The following CARHSP1 variants were observed in gnomAD, a reference collection of about 807,000 sequenced individuals.
CARHSP1 encodes the protein calcium regulated heat stable protein 1.
In CARHSP1, 14 loss-of-function variants were observed where a neutral mutation model predicts 12.5. The observed-to-expected ratio is 1.12, with a 90% confidence interval of 0.74 to 1.75. The LOEUF is 1.75. Among genes scored for constraint, CARHSP1 ranks in the 40% most tolerant of loss-of-function variants. CARHSP1 has a pLI of 0.00. For missense variants in CARHSP1, 343 were observed against 201.6 expected, an observed-to-expected ratio of 1.70 and a Z score of -4.25; for synonymous variants, 161 against 82.0, an observed-to-expected ratio of 1.96 and a Z score of -5.20.
intron 1 of CARHSP1, among the ~76,000 whole-genome samples, chr16:8,863,507 AGGT>A (rs1396421131): frequency 6.6e-6 from 1 of 152,190 alleles, no homozygotes; most frequent in Non-Finnish European, 1.5e-5. Context: ...GCCCAGCAGG[AGGT>A]GGCTACATTC....
At chr16:8,866,561 G>A in intron 1 of CARHSP1, 4 of 594,802 alleles carry the variant, frequency 6.7e-6, no homozygotes, top group Non-Finnish European at 8.5e-6. Context: ...GCTGAGCCCA[G>A]ATAGAAGGGT....
Position 8,858,408 on chromosome 16 carries a change from CCTTG to C in CARHSP1, c.219_222del (p.Lys74AlafsTer152). 6.2e-7 allele frequency: 1 copy of C among 1,614,086 alleles called. No individual in the cohort carries two copies. The highest frequency in any genetic ancestry group is 8.5e-7 in the Non-Finnish European group (1 of 1,180,018). On this transcript the variant is annotated frameshift_variant, in exon 3 of 4. Transcript: ENST00000311052. LOFTEE classifies it high-confidence loss of function. The stretch of plus-strand genomic sequence containing the variant: ...TCAGCTGGAGTAATGAAGCCATGGC[CCTTG>C]GACCGGCAGAAGCATTTGCAGACTC...
chr16:8,859,015 T>G, intron 2 of CARHSP1, 156 bp downstream of exon 2: 2 of 621,322 alleles, frequency 3.2e-6, no homozygotes, highest in Middle Eastern at 4.5e-4. Flanking sequence ...ACAAGGCGCC[T>G]TCCTAGTTTC....
At chr16:8,861,775 C>A in intron 1 of CARHSP1, 1 of 1,273,414 alleles carries the variant, frequency 7.9e-7, no homozygotes. Context: ...AGGGCCCCCG[C>A]ATGACCTACC....
rs1300594595 is a variant in CARHSP1 at position 8,859,200 on chromosome 16, C to T, written c.129G>A (p.Leu43=). The T allele has an allele frequency of 1.9e-6, 3 of 1,603,016 alleles. 1 individual carries two copies. Among genetic ancestry groups the T allele is most frequent in the South Asian group, 1.1e-5 (1 of 89,510 alleles). The change falls in exon 2 of 4, where the codon CTG becomes CTA. Residue 43 remains leucine, a synonymous_variant. Coordinates refer to ENST00000311052, the MANE Select transcript of CARHSP1 (RefSeq NM_014316.4). ...AGAAGGTCCTCGTCCGGCGAGTGGG[C>T]AGTGGGCTTGGGACCACGTTGCCCC... ...PLRGNVVPSP[L]PTRRTRTFSA...
chr16:8,863,254 G>C (rs1224046834), intron 1 of CARHSP1, among the ~76,000 whole-genome samples: 1 of 151,112 alleles, frequency 6.6e-6, no homozygotes, highest in African/African-American at 2.4e-5. Flanking sequence ...CCTGGGTTGT[G>C]GGACTACGGC....
intron 3 of CARHSP1, among the ~76,000 whole-genome samples, chr16:8,857,283 T>TG (rs1567181249): frequency 8.0e-6 from 1 of 125,532 alleles, no homozygotes; most frequent in African/African-American, 3.0e-5. Flanking sequence ...TTTTTTTTTT[T>TG]TTTTTTTTTT....
At chr16:8,866,099 G>A (rs140775856) in intron 1 of CARHSP1, among the ~76,000 whole-genome samples, 14 of 152,196 alleles carry the variant, frequency 9.2e-5, no homozygotes, top group East Asian at 1.9e-4. Context: ...GACTACAGGC[G>A]TGTGCTACCA....
intron 1 of CARHSP1, chr16:8,861,654 G>T (rs747521629): frequency 9.3e-6 from 12 of 1,289,030 alleles, no homozygotes; most frequent in South Asian, 2.5e-5. Flanking sequence ...TCTGGAGGAG[G>T]TGGCATCCTA....
chr16:8,857,535 G>C (rs7500728), intron 3 of CARHSP1: 59,710 of 138,734 alleles, frequency 0.43, 13,487 homozygotes, highest in South Asian at 0.51. Flanking sequence ...CAGGTGATCC[G>C]CCTGCCTCCG....
intron 1 of CARHSP1, among the ~76,000 whole-genome samples, chr16:8,865,393 A>G (rs2061438412): frequency 6.6e-6 from 1 of 152,184 alleles, no homozygotes; most frequent in Non-Finnish European, 1.5e-5. Flanking sequence ...TACAGGCATG[A>G]GCCACCGTGC....
chr16:8,865,794 G>T (rs751700176), intron 1 of CARHSP1, among the ~76,000 whole-genome samples: 2 of 152,208 alleles, frequency 1.3e-5, no homozygotes, highest in Non-Finnish European at 2.9e-5. Flanking sequence ...CAACAGGGGA[G>T]GCACTTTTAG....
intron 1 of CARHSP1, among the ~76,000 whole-genome samples, chr16:8,860,789 A>T (rs1014124634): frequency 6.6e-6 from 1 of 151,972 alleles, no homozygotes; most frequent in Admixed American, 6.6e-5. Flanking sequence ...GGTGGCTCAC[A>T]CCTGTAATCC....
intron 1 of CARHSP1, among the ~76,000 whole-genome samples, chr16:8,863,625 C>T (rs1340044999): frequency 2.0e-5 from 3 of 152,174 alleles, no homozygotes; most frequent in East Asian, 3.9e-4. Flanking sequence ...CCTCTCATGG[C>T]CCATCTGGGC....
chr16:8,856,191 G>A (rs959286296), intron 3 of CARHSP1, among the ~76,000 whole-genome samples: 6 of 152,154 alleles, frequency 3.9e-5, no homozygotes, highest in African/African-American at 1.4e-4. Context: ...CCCCCAGGAA[G>A]GTTCCCTTAC....
Position 8,858,383 on chromosome 16 carries a change from T to A in CARHSP1, c.248A>T (p.Asp83Val), listed in dbSNP as rs146191032. 4.1e-4 allele frequency: 657 copies of A among 1,613,858 alleles called. No individual in the cohort carries two copies. The highest frequency in any genetic ancestry group is 4.6e-4 in the Non-Finnish European group (537 of 1,180,016). Residue 83 changes from aspartate (D) to valine (V), a missense_variant, in exon 3 of 4, where the codon GAT becomes GTT. Asp to Val is a radical substitution (Grantham distance 152). Transcript: ENST00000311052. ...SKGHGFITPA[D>V]GGPDIFLHIS... ...GTGCAGGAAGATGTCGGGGCCGCCATCAGCTGGAGTAATGAAGCCATGGCC... is the reference window on the plus strand; with the variant it reads ...GTGCAGGAAGATGTCGGGGCCGCCAACAGCTGGAGTAATGAAGCCATGGCC...
rs746462103 is a variant in CARHSP1, at chr16:8,859,254, C to G, written c.75G>C (p.Arg25=). The G allele has an allele frequency of 5.6e-5, 90 of 1,600,758 alleles. No individual in the cohort carries two copies. Among genetic ancestry groups the G allele is most frequent in the Non-Finnish European group, 4.8e-5 (57 of 1,176,772 alleles). The change falls in exon 2 of 4, where the codon CGG becomes CGC. Residue 25 remains arginine (R), a synonymous_variant. Transcript: ENST00000311052. The part of the protein sequence containing the change: ...QASVGLLDTP[R]SRERSPSPLR... ...GAGGGGATGGTGAGCGCTCACGGCT[C>G]CGAGGGGTGTCCAGCAGCCCGACTG...
chr16:8,856,662 T>C (rs541368466), intron 3 of CARHSP1, among the ~76,000 whole-genome samples: 3 of 152,268 alleles, frequency 2.0e-5, no homozygotes, highest in Non-Finnish European at 4.4e-5. Flanking sequence ...CCCATTGCAG[T>C]GGGCTCCTCT....
At chr16:8,859,483 C>G (rs2061273707) in intron 1 of CARHSP1, 148 bp from the exon 2 acceptor site, 3 of 734,290 alleles carry the variant, frequency 4.1e-6, no homozygotes, top group Admixed American at 6.1e-5. Context: ...GGGAGCACGC[C>G]TGGCAGGGTC....
Sources: gnomAD v4.1 joint callset for allele counts (sites outside exome capture counted in the v4.1 genomes callset) on GRCh38, gnomAD v4.1.1 for gene constraint, MANE v1.5 for transcripts, NCBI Gene and HGNC (gene_info 2026-07-23, HGNC 2026-07-21) for gene names.